CYP7B1: variants seen among roughly 807,000 people sequenced by gnomAD.
The protein encoded by CYP7B1 is cytochrome P450 family 7 subfamily B member 1, also known as cytochrome P450 7B1.
A neutral mutation model predicts 42.7 loss-of-function variants in CYP7B1; 29 were observed. The ratio of observed to expected loss-of-function variants is 0.68; its 90% CI spans 0.51 to 0.93. CYP7B1 has a LOEUF of 0.93. Among genes scored for constraint, CYP7B1 ranks in the 40% least tolerant of loss-of-function variants. The probability of loss-of-function intolerance (pLI) is 0.00; values close to 1 mark genes in which losing one functional copy is unlikely to be tolerated. For missense variants in CYP7B1, 655 were observed against 600.5 expected (o/e 1.09, Z -0.95); for synonymous variants, 235 against 218.2 (o/e 1.08, Z -0.68).
intron 1 of CYP7B1, among the ~76,000 whole-genome samples, chr8:64,644,682 A>G (rs568094492): frequency 6.6e-6 from 1 of 152,304 alleles, no homozygotes; most frequent in Middle Eastern, 3.4e-3. Context: ...AATATTCAGT[A>G]ACCTATGCTG....
intron 5 of CYP7B1, among the ~76,000 whole-genome samples, chr8:64,597,459 A>G (rs1343843761): frequency 6.6e-6 from 1 of 152,240 alleles, no homozygotes; most frequent in East Asian, 1.9e-4. Context: ...TTAAACAAAT[A>G]TAAAATCGTA....
chr8:64,740,746 A>G (rs1331039026), intron 1 of CYP7B1, among the ~76,000 whole-genome samples: 3 of 152,136 alleles, frequency 2.0e-5, no homozygotes, highest in Non-Finnish European at 4.4e-5. Context: ...AAATTTCACA[A>G]CTTAGTTGAA....
downstream of CYP7B1, chr8:64,587,940 G>C (rs1009397889): frequency 6.6e-6 from 1 of 152,206 alleles, no homozygotes; most frequent in Non-Finnish European, 1.5e-5. Flanking sequence ...TGGATGGGGA[G>C]TTGGCTTTAA....
At chr8:64,735,723 C>G (rs1275884011) in intron 1 of CYP7B1, among the ~76,000 whole-genome samples, 1 of 151,998 alleles carries the variant, frequency 6.6e-6, no homozygotes, top group African/African-American at 2.4e-5. Context: ...ATAATTCTTC[C>G]CCTACAATTC....
chr8:64,789,126 C>T (rs1248986342), intron 1 of CYP7B1, among the ~76,000 whole-genome samples: 1 of 152,066 alleles, frequency 6.6e-6, no homozygotes, highest in Non-Finnish European at 1.5e-5. Context: ...CAGGGTTTCA[C>T]CAGGTTGGCC....
chr8:64,593,549 G>C lies in CYP7B1; in HGVS notation c.*3093C>G, dbSNP rs934065637. On this transcript the variant is annotated 3_prime_UTR_variant, in exon 6 of 6. Coordinates refer to ENST00000310193, the MANE Select transcript of CYP7B1 (RefSeq NM_004820.5). ...TCCCTCCCCACTCCCAGATAATCAA[G>C]CTGAAATTTTAAGGTGATCTGAGTT... Among the ~76,000 whole-genome samples, 1 of 152,106 alleles carries C rather than the reference G, an allele frequency of 6.6e-6. No individual in the cohort carries two copies. The highest frequency in any genetic ancestry group is 2.4e-5 in the African/African-American group (1 of 41,408).
chr8:64,681,017 A>AT (rs1563388570), intron 1 of CYP7B1, among the ~76,000 whole-genome samples: 1 of 152,158 alleles, frequency 6.6e-6, no homozygotes, highest in African/African-American at 2.4e-5. Context: ...AGAATTTTCA[A>AT]TTTTCTCACT....
At chr8:64,629,651 C>A (rs180854436) in intron 1 of CYP7B1, among the ~76,000 whole-genome samples, 1 of 151,896 alleles carries the variant, frequency 6.6e-6, no homozygotes, top group Non-Finnish European at 1.5e-5. Flanking sequence ...TGTGTTTTAC[C>A]GTTCTTTGAC....
At chr8:64,795,238 T>C (rs1804686632) in intron 1 of CYP7B1, among the ~76,000 whole-genome samples, 1 of 152,240 alleles carries the variant, frequency 6.6e-6, no homozygotes. Flanking sequence ...AAGGATACTG[T>C]ATAATCCCAT....
chr8:64,690,062 C>T (rs1436093570), intron 1 of CYP7B1, among the ~76,000 whole-genome samples: 1 of 151,882 alleles, frequency 6.6e-6, no homozygotes, highest in Admixed American at 6.6e-5. Flanking sequence ...TATTTTATGC[C>T]ATCATTTCCC....
chr8:64,623,383 A>G (rs1805559386), intron 2 of CYP7B1, among the ~76,000 whole-genome samples: 1 of 152,216 alleles, frequency 6.6e-6, no homozygotes, highest in South Asian at 2.1e-4. Flanking sequence ...TGAGGATGAA[A>G]GACCGTGTGG....
intron 2 of CYP7B1, among the ~76,000 whole-genome samples, chr8:64,621,892 T>C (rs1799642511): frequency 2.0e-5 from 3 of 151,752 alleles, no homozygotes; most frequent in Non-Finnish European, 4.4e-5. Flanking sequence ...CATGCCACCA[T>C]GCCCAGCTAA....
chr8:64,708,237 T>C (rs1807028366), intron 1 of CYP7B1, among the ~76,000 whole-genome samples: 1 of 152,142 alleles, frequency 6.6e-6, no homozygotes, highest in Non-Finnish European at 1.5e-5. Flanking sequence ...AATTTTAGGA[T>C]GGTTTCAGTG....
At position 64,610,670 on chromosome 8, in the gene CYP7B1, C is replaced by T. The variant is rs565698503; in HGVS notation, c.1057+4356G>A. Among the ~76,000 whole-genome samples, 12 of 152,044 alleles carry T rather than the reference C, an allele frequency of 7.9e-5. 1 individual carries two copies. The South Asian group carries it at 2.3e-3, about 29-fold the overall frequency. On this transcript the variant is annotated intron_variant, in intron 4 of 5. Coordinates refer to ENST00000310193, the MANE Select transcript of CYP7B1 (RefSeq NM_004820.5). ...AAAGTTCATTTTTATTAAAAAAATA[C>T]CCACAAGATTCTAATGTGAACCTCT...
At chr8:64,713,797 G>C (rs530057623) in intron 1 of CYP7B1, among the ~76,000 whole-genome samples, 1 of 152,264 alleles carries the variant, frequency 6.6e-6, no homozygotes, top group East Asian at 1.9e-4. Flanking sequence ...CAAGAGATAA[G>C]AGCCCAAATT....
At chr8:64,715,864 T>G (rs573676621) in intron 1 of CYP7B1, among the ~76,000 whole-genome samples, 8 of 152,362 alleles carry the variant, frequency 5.3e-5, no homozygotes, top group African/African-American at 1.7e-4. Context: ...TCCCTATGAT[T>G]TGTTCCCCAA....
rs115195350 is a variant in CYP7B1, at chr8:64,596,981, T to C, written c.1234-52A>G. The C allele has an allele frequency of 1.1e-4, 158 of 1,503,780 alleles. No individual in the cohort carries two copies. The African/African-American group carries it at 2.0e-3, about 19-fold the overall frequency. The allele number at this position is 1,503,780 out of a possible 1,614,324, so 93.2% of individuals were successfully genotyped here. On this transcript the variant is annotated intron_variant, in intron 5 of 5. Transcript: ENST00000310193. ...AACATTTTATATGAAATAGTTTGAG[T>C]TCAAGTCCACAAAGTTGCTAGCTCT...
At chr8:64,638,956 T>C (rs1805814004) in intron 1 of CYP7B1, among the ~76,000 whole-genome samples, 1 of 152,104 alleles carries the variant, frequency 6.6e-6, no homozygotes, top group African/African-American at 2.4e-5. Flanking sequence ...AGAAGGCAGA[T>C]GTCTTAACTC....
intron 1 of CYP7B1, among the ~76,000 whole-genome samples, chr8:64,723,156 G>A (rs956749206): frequency 6.6e-6 from 1 of 152,104 alleles, no homozygotes; most frequent in African/African-American, 2.4e-5. Flanking sequence ...TTTCAACAAA[G>A]CACTACATGA....
Sources: allele counts gnomAD v4.1 joint callset (sites outside exome capture counted in the v4.1 genomes callset), GRCh38; gene constraint gnomAD v4.1.1; transcripts MANE v1.5; gene names NCBI Gene and HGNC (gene_info 2026-07-23, HGNC 2026-07-21).